Variants in ASCC3 observed in about 807,000 individuals in gnomAD.
ASCC3 encodes ASC-1 complex subunit P200.
ASCC3 carries 158 observed loss-of-function variants against 256.3 expected under a neutral mutation model. That is an observed-to-expected ratio of 0.62 (90% CI 0.54 to 0.70). The LOEUF (loss-of-function observed/expected upper bound fraction) is 0.70. Among genes scored for constraint, ASCC3 ranks in the 30% least tolerant of loss-of-function variants. The probability of loss-of-function intolerance (pLI) is 0.00; values close to 1 mark genes in which losing one functional copy is unlikely to be tolerated. For missense variants in ASCC3, 2,259 were observed against 2,626.0 expected, an observed-to-expected ratio of 0.86 and a Z score of 3.05; for synonymous variants, 948 against 883.4, an observed-to-expected ratio of 1.07 and a Z score of -1.30.
chr6:100,662,202 G>A (rs2114932569), intron 15 of ASCC3, 143 bp downstream of exon 15: 2 of 1,101,708 alleles, frequency 1.8e-6, no homozygotes, highest in East Asian at 2.6e-5. Flanking sequence ...GATTCTTATT[G>A]GAGAAAATAA....
At chr6:100,605,768 T>TA in intron 32 of ASCC3, 68 bp from the exon 33 acceptor site, 1 of 1,528,500 alleles carries the variant, frequency 6.5e-7, no homozygotes, top group Non-Finnish European at 9.0e-7. Context: ...TTACTGATTA[T>TA]GGCATGCTTC....
At chr6:100,659,057 C>T (rs945972431) in intron 16 of ASCC3, among the ~76,000 whole-genome samples, 2 of 151,140 alleles carry the variant, frequency 1.3e-5, no homozygotes, top group Non-Finnish European at 3.0e-5. Context: ...GCAAATGTGC[C>T]TCATAACATG....
At chr6:100,550,688 T>C (rs1286639711) in intron 36 of ASCC3, among the ~76,000 whole-genome samples, 1 of 151,820 alleles carries the variant, frequency 6.6e-6, no homozygotes, top group Non-Finnish European at 1.5e-5. Flanking sequence ...TATTTCCCTA[T>C]GTTAGAATTT....
chr6:100,824,146 T>C (rs1424846478), intron 4 of ASCC3, among the ~76,000 whole-genome samples: 3 of 152,214 alleles, frequency 2.0e-5, no homozygotes, highest in Non-Finnish European at 4.4e-5. Flanking sequence ...AATTAGATTA[T>C]GGGTTTACTT....
At chr6:100,857,229 C>A (rs970362003) in intron 3 of ASCC3, 1 of 152,088 alleles carries the variant, frequency 6.6e-6, no homozygotes, top group Non-Finnish European at 1.5e-5. Flanking sequence ...AAAGCTCTTA[C>A]TCATGTTCAT....
chr6:100,817,533 T>C (rs954459798), intron 4 of ASCC3, among the ~76,000 whole-genome samples: 6 of 152,156 alleles, frequency 3.9e-5, no homozygotes, highest in African/African-American at 7.2e-5. Context: ...TTTAGCTAGA[T>C]TGACCACGAA....
At chr6:100,864,029 C>CT (rs1773355536) in intron 3 of ASCC3, 35 bp downstream of exon 3, 8 of 1,419,564 alleles carry the variant, frequency 5.6e-6, no homozygotes, top group Admixed American at 2.4e-5. Flanking sequence ...TACTGGTTCT[C>CT]TTTAAAAAAA....
chr6:100,794,712 T>C (rs998660199), intron 8 of ASCC3, among the ~76,000 whole-genome samples: 2 of 152,132 alleles, frequency 1.3e-5, no homozygotes, highest in African/African-American at 4.8e-5. Context: ...TTTATAGGAC[T>C]CAATTATTGT....
intron 14 of ASCC3, among the ~76,000 whole-genome samples, chr6:100,673,337 G>A (rs1288230435): frequency 6.6e-6 from 1 of 151,804 alleles, no homozygotes; most frequent in Non-Finnish European, 1.5e-5. Flanking sequence ...TCTACCCCTA[G>A]GAATTTATAA....
intron 36 of ASCC3, among the ~76,000 whole-genome samples, chr6:100,558,972 T>A (rs1769780000): frequency 6.6e-6 from 1 of 152,156 alleles, no homozygotes; most frequent in South Asian, 2.1e-4. Flanking sequence ...CATTGAGAAT[T>A]GAGTATTGAG....
chr6:100,620,497 C>T (rs1253068234), intron 30 of ASCC3, among the ~76,000 whole-genome samples: 5 of 152,136 alleles, frequency 3.3e-5, no homozygotes, highest in Admixed American at 2.6e-4. Context: ...AATGAGAACA[C>T]ATATACTCTT....
intron 20 of ASCC3, among the ~76,000 whole-genome samples, chr6:100,650,320 C>CA (rs1375518125): frequency 6.6e-6 from 1 of 151,086 alleles, no homozygotes; most frequent in East Asian, 1.9e-4. Context: ...TCAACATCAC[C>CA]AAAAAAAGCC....
chr6:100,768,317 G>A (rs567152623), intron 8 of ASCC3, among the ~76,000 whole-genome samples: 53 of 151,994 alleles, frequency 3.5e-4, no homozygotes, highest in South Asian at 1.5e-3. Context: ...GACACAGAGC[G>A]GTTAAATAAT....
chr6:100,642,971 T>A (rs951272675), intron 23 of ASCC3, among the ~76,000 whole-genome samples: 1 of 152,204 alleles, frequency 6.6e-6, no homozygotes, highest in African/African-American at 2.4e-5. Flanking sequence ...TTATATTATT[T>A]ACATATGCAT....
chr6:100,628,930 T>C lies in ASCC3; in HGVS notation c.4375+85A>G. On this transcript the variant is annotated intron_variant, in intron 27 of 41. Transcript: ENST00000369162. The stretch of plus-strand genomic sequence containing the variant: ...ATTGTGCCCTAGAAATATATATAAA[T>C]ATTACATGCAAATTAAAAATACTAA... The C allele has an allele frequency of 3.3e-6, 4 of 1,211,112 alleles. No individual in the cohort carries two copies. The South Asian group carries it at 5.6e-5, about 17-fold the overall frequency. 75.0% of individuals were successfully genotyped at this position (1,211,112 alleles called of 1,614,324 possible). A position where few individuals can be genotyped will look rare whatever the true frequency, so the allele number is the denominator to read the frequency against.
intron 13 of ASCC3, among the ~76,000 whole-genome samples, chr6:100,708,902 C>A (rs889957626): frequency 6.6e-6 from 1 of 151,626 alleles, no homozygotes; most frequent in Non-Finnish European, 1.5e-5. Flanking sequence ...ATGAACAAAT[C>A]GTGTGCAATA....
intron 34 of ASCC3, among the ~76,000 whole-genome samples, chr6:100,593,145 T>C (rs1407072551): frequency 6.6e-6 from 1 of 152,096 alleles, no homozygotes; most frequent in Non-Finnish European, 1.5e-5. Context: ...CTGAGTTGTT[T>C]AATGATTCTA....
At chr6:100,621,969 T>TCAGCAAACTAATGCAGGAA (rs1264191611) in intron 30 of ASCC3, among the ~76,000 whole-genome samples, 1 of 152,180 alleles carries the variant, frequency 6.6e-6, no homozygotes, top group African/African-American at 2.4e-5. Context: ...GCTGTTATCC[T>TCAGCAAACTAATGCAGGAA]CAGCAAACTA....
chr6:100,702,109 A>G (rs1380581276), intron 13 of ASCC3, among the ~76,000 whole-genome samples: 1 of 152,038 alleles, frequency 6.6e-6, no homozygotes, highest in Non-Finnish European at 1.5e-5. Context: ...CAGTCTGTCA[A>G]TAAGAGGGAC....
Sources: allele counts gnomAD v4.1 joint callset (sites outside exome capture counted in the v4.1 genomes callset), GRCh38; gene constraint gnomAD v4.1.1; transcripts MANE v1.5; gene names NCBI Gene and HGNC (gene_info 2026-07-23, HGNC 2026-07-21).